The following POU6F1 variants were observed in gnomAD, a reference collection of about 807,000 sequenced individuals.
POU6F1 encodes the protein POU domain, class 6, transcription factor 1.
In POU6F1, 9 loss-of-function variants were observed where a neutral mutation model predicts 28.9. That is an observed-to-expected ratio of 0.31 (90% CI 0.19 to 0.54). The LOEUF is 0.54. POU6F1 is among the 20% of genes least tolerant of loss of function. The probability of loss-of-function intolerance (pLI) is 0.94; values close to 1 mark genes in which losing one functional copy is unlikely to be tolerated. For missense variants in POU6F1, 338 were observed against 426.1 expected (o/e 0.79, Z 1.82); for synonymous variants, 173 against 171.1 (o/e 1.01, Z -0.09).
At position 51,190,422 on chromosome 12, in the gene POU6F1, T is replaced by C; in HGVS notation, c.1661A>G (p.Gln554Arg). 1.2e-6 allele frequency: 2 copies of C among 1,614,042 alleles called. No individual in the cohort carries two copies. The highest frequency in any genetic ancestry group is 2.2e-5 in the South Asian group (2 of 91,062). ...KRKRRTSFTPQAIEALNAYFE... is the reference protein window; with the variant it reads ...KRKRRTSFTPRAIEALNAYFE... The stretch of plus-strand genomic sequence containing the variant: ...ATAGGCATTGAGAGCCTCTATGGCC[T>C]GGGGGGTGAAGGAGGTGCGGCGTTT... Residue 554 changes from glutamine (Q) to arginine (R), a missense_variant, in exon 11 of 11, where the codon CAG (glutamine) becomes CGG (arginine). Physicochemically the swap from Gln to Arg is conservative, Grantham distance 43. Coordinates refer to ENST00000333640, the MANE Select transcript of POU6F1 (RefSeq NM_001330422.2). The surrounding 1 kb of genome is among the most constrained non-coding windows in gnomAD (Gnocchi z 4.5).
chr12:51,196,795 T>C lies in POU6F1; in HGVS notation c.975+4A>G. On this transcript the variant is annotated splice_donor_region_variant and intron_variant, in intron 7 of 10. Transcript: ENST00000333640. ...ACCCTCCAGCCCTGTCTTTGGCCACTTGCCTGTCCCTGAGCATTGGTGAGG... is the reference window on the plus strand; with the variant it reads ...ACCCTCCAGCCCTGTCTTTGGCCACCTGCCTGTCCCTGAGCATTGGTGAGG... 1 of 1,613,822 alleles carries C rather than the reference T, an allele frequency of 6.2e-7. No homozygotes were observed. The highest frequency in any genetic ancestry group is 1.3e-5 in the African/African-American group (1 of 75,060).
rs1018962042 is a variant in POU6F1 at position 51,188,805 on chromosome 12, CAG to C, written c.*1440_*1441del. On this transcript the variant is annotated 3_prime_UTR_variant, in exon 11 of 11. Coordinates refer to ENST00000333640, the MANE Select transcript of POU6F1 (RefSeq NM_001330422.2). ...TCTGTAAGGATAAGAGTACTGAAGA[CAG>C]GGGTGGTTGACCCCCGTGACTTGGG... The C allele has an allele frequency of 6.6e-6, 1 of 152,192 alleles. No homozygotes were observed. Among genetic ancestry groups the C allele is most frequent in the African/African-American group, 2.4e-5 (1 of 41,430 alleles). The allele number at this position is 152,192 out of a possible 1,614,324, so 9.4% of individuals were successfully genotyped here.
In POU6F1 at chr12:51,192,349, G is replaced by A. The variant is rs376717396; in HGVS notation, c.1302C>T (p.Thr434=). ...ACTTACTGGACACCAACTGGCTGAC[G>A]GTGGGGGTCTCTGAGCAGGTAATTG... ...PIPITCSETP[T]VSQLVSKPHT... is the part of the protein sequence containing the mutation. Residue 434 remains threonine, a synonymous_variant, in exon 9 of 11, where the codon ACC becomes ACT. Coordinates refer to ENST00000333640, the MANE Select transcript of POU6F1 (RefSeq NM_001330422.2). The A allele has an allele frequency of 6.2e-7, 1 of 1,614,150 alleles. No homozygotes were observed.
At position 51,207,069 on chromosome 12, in the gene POU6F1, G is replaced by T. The variant is rs568932732; in HGVS notation, c.-47-186C>A. 4.3e-3 allele frequency: 1,372 copies of T among 319,500 alleles called. 6 individuals are homozygous for T. The highest frequency in any genetic ancestry group is 6.4e-3 in the Non-Finnish European group (1,126 of 176,600). 19.8% of individuals were successfully genotyped at this position (319,500 alleles called of 1,614,324 possible). A position where few individuals can be genotyped will look rare whatever the true frequency, so the allele number is the denominator to read the frequency against. On this transcript the variant is annotated intron_variant, in intron 1 of 10. Transcript: ENST00000333640. ...GAGACAGTTTCACTCTGTCGCCCAG[G>T]CTGGAGTGCAGTGGCACGATCTGTG...
intron 3 of POU6F1, among the ~76,000 whole-genome samples, chr12:51,201,121 G>A (rs564033596): frequency 3.3e-4 from 51 of 152,288 alleles, no homozygotes; most frequent in Non-Finnish European, 5.0e-4. Flanking sequence ...CTCCCCCTGC[G>A]ATATGGCCAA....
chr12:51,213,876 C>T (rs2137238771), intron 1 of POU6F1, among the ~76,000 whole-genome samples: 1 of 151,906 alleles, frequency 6.6e-6, no homozygotes, highest in East Asian at 2.0e-4. Flanking sequence ...GGCGCAGTGG[C>T]TCACACCTGT....
intron 8 of POU6F1, 50 bp from the exon 9 acceptor site, chr12:51,192,521 G>C (rs1409684721): frequency 6.3e-7 from 1 of 1,594,388 alleles, no homozygotes; most frequent in African/African-American, 1.3e-5. Context: ...CAGGCTCAGG[G>C]AGTTAAAATC....
intron 8 of POU6F1, among the ~76,000 whole-genome samples, chr12:51,193,629 T>A (rs948737910): frequency 6.6e-6 from 1 of 152,160 alleles, no homozygotes; most frequent in African/African-American, 2.4e-5. Flanking sequence ...TATGGAATAA[T>A]GCCTTTAAGA....
chr12:51,206,317 G>A (rs1943612686), intron 2 of POU6F1, among the ~76,000 whole-genome samples: 1 of 151,084 alleles, frequency 6.6e-6, no homozygotes, highest in Non-Finnish European at 1.5e-5. Flanking sequence ...CAGCTACTCG[G>A]GAGGCTGAGG....
rs1454460157 is a variant in POU6F1, at chr12:51,195,985, G to A, written c.1164C>T (p.Ser388=). ...GCCCCTGTACCTCACTCTTAGCAGGGGACTCAGGTGTGCTTGGCTTCCGGA... is the reference window on the plus strand; with the variant it reads ...GCCCCTGTACCTCACTCTTAGCAGGAGACTCAGGTGTGCTTGGCTTCCGGA... ...VAVRKPSTPE[S]PAKSEVQPIQ... The change falls in exon 8 of 11, where the codon TCC becomes TCT. Residue 388 remains serine, a synonymous_variant. Coordinates refer to ENST00000333640, the MANE Select transcript of POU6F1 (RefSeq NM_001330422.2). The A allele has an allele frequency of 3.7e-6, 6 of 1,604,452 alleles. No individual in the cohort carries two copies. The highest frequency in any genetic ancestry group is 5.1e-6 in the Non-Finnish European group (6 of 1,177,076).
chr12:51,202,591 A>G (rs1188417116), intron 3 of POU6F1: 1 of 152,212 alleles, frequency 6.6e-6, no homozygotes, highest in East Asian at 1.9e-4. Context: ...TAGGCCTCCC[A>G]AAGTGCTGGG....
intron 2 of POU6F1, 92 bp downstream of exon 2, chr12:51,206,697 C>CA: frequency 2.5e-6 from 1 of 398,482 alleles, no homozygotes; most frequent in Non-Finnish European, 4.4e-6. Flanking sequence ...TGGTAAGAAA[C>CA]AGAGAGTGAA....
intron 1 of POU6F1, among the ~76,000 whole-genome samples, chr12:51,216,381 C>T (rs141016121): frequency 4.9e-4 from 75 of 152,268 alleles, no homozygotes; most frequent in Non-Finnish European, 7.9e-4. Context: ...TACATACACA[C>T]ACACTGACAC....
chr12:51,195,151 T>C (rs1222350428), intron 8 of POU6F1, among the ~76,000 whole-genome samples: 1 of 152,152 alleles, frequency 6.6e-6, no homozygotes, highest in African/African-American at 2.4e-5. Context: ...AGAGATGGGG[T>C]CTTGCTATGT....
intron 3 of POU6F1, among the ~76,000 whole-genome samples, chr12:51,200,412 C>G (rs969036751): frequency 3.3e-5 from 5 of 152,206 alleles, no homozygotes; most frequent in African/African-American, 1.2e-4. Context: ...TACAGGATCA[C>G]AGGGGCTCTC....
intron 8 of POU6F1, among the ~76,000 whole-genome samples, chr12:51,194,162 G>A (rs1565604714): frequency 6.6e-6 from 1 of 152,078 alleles, no homozygotes; most frequent in Non-Finnish European, 1.5e-5. Context: ...AAGTAGCTAG[G>A]ATTACAGGTG....
intron 2 of POU6F1, among the ~76,000 whole-genome samples, chr12:51,205,283 G>A (rs552778000): frequency 6.2e-4 from 94 of 151,548 alleles, no homozygotes; most frequent in African/African-American, 2.0e-3. Context: ...CTCGTGATCC[G>A]CCCACCTCGG....
intron 1 of POU6F1, among the ~76,000 whole-genome samples, chr12:51,214,918 C>G (rs1944205326): frequency 6.6e-6 from 1 of 151,888 alleles, no homozygotes; most frequent in African/African-American, 2.4e-5. Context: ...AAGATTGTGC[C>G]ACTGCACCCC....
At chr12:51,208,516 G>A (rs1592192527) in intron 1 of POU6F1, among the ~76,000 whole-genome samples, 2 of 152,144 alleles carry the variant, frequency 1.3e-5, no homozygotes, top group Non-Finnish European at 2.9e-5. Context: ...AAGCCCAGAG[G>A]GGTGTTCTGG....
Sources: allele counts gnomAD v4.1 joint callset (sites outside exome capture counted in the v4.1 genomes callset), GRCh38; gene constraint gnomAD v4.1.1; non-coding constraint Gnocchi (gnomAD v3.1); transcripts MANE v1.5; gene names NCBI Gene and HGNC (gene_info 2026-07-23, HGNC 2026-07-21).